GLI3: variants seen among roughly 807,000 people sequenced by gnomAD.
GLI3 encodes transcription activator GLI3.
In GLI3, 20 loss-of-function variants were observed where a neutral mutation model predicts 100.8. That is an observed-to-expected ratio of 0.20 (90% CI 0.14 to 0.29). The LOEUF is 0.29. Ranked by LOEUF, GLI3 falls within the 10% of genes least tolerant of loss-of-function variation. GLI3 has a pLI of 1.00. For synonymous variants in GLI3, 938 were observed against 860.5 expected (o/e 1.09, Z -1.58); for missense variants, 2,040 against 2,128.5 (o/e 0.96, Z 0.82).
At position 42,011,422 on chromosome 7, in the gene GLI3, A is replaced by G. The variant is rs188928823; in HGVS notation, c.1497+12046T>C. Among the ~76,000 whole-genome samples the G allele has an allele frequency of 1.5e-3, 230 of 152,378 alleles. 1 individual carries two copies. The highest frequency in any genetic ancestry group is 3.4e-3 in the Middle Eastern group (1 of 294). On this transcript the variant is annotated intron_variant, in intron 10 of 14. Transcript: ENST00000395925. ...AATCCCACTTCTAGGGATATACCCA[A>G]AAGAACTGAAAACAGGTGTTCAAGC...
chr7:42,220,842 T>C (rs982943973), intron 2 of GLI3, among the ~76,000 whole-genome samples: 1 of 152,212 alleles, frequency 6.6e-6, no homozygotes, highest in African/African-American at 2.4e-5. Context: ...TGTCCCAAAA[T>C]ATAAAACAGT....
chr7:42,023,404 G>A (rs1789000172), intron 10 of GLI3, 64 bp downstream of exon 10: 1 of 1,555,428 alleles, frequency 6.4e-7, no homozygotes, highest in Non-Finnish European at 8.9e-7. Context: ...GGGTCAGAGA[G>A]GCTGACCTCC....
At chr7:42,261,851 G>T (rs1420479597) in intron 1 of GLI3, among the ~76,000 whole-genome samples, 1 of 139,580 alleles carries the variant, frequency 7.2e-6, no homozygotes, top group Non-Finnish European at 1.6e-5. Flanking sequence ...AACAGTCTTT[G>T]TTTTCTTTCC....
intron 2 of GLI3, among the ~76,000 whole-genome samples, chr7:42,169,306 G>A (rs1787312885): frequency 6.6e-6 from 1 of 152,072 alleles, no homozygotes; most frequent in Admixed American, 6.5e-5. Context: ...TATCAAAAAA[G>A]CCGCCTCAAA....
At chr7:42,255,965 C>G (rs1389095786) in intron 1 of GLI3, among the ~76,000 whole-genome samples, 1 of 152,122 alleles carries the variant, frequency 6.6e-6, no homozygotes, top group Non-Finnish European at 1.5e-5. Context: ...ATATTCTCAC[C>G]CACACTTGGT....
At chr7:42,120,893 C>T (rs846399) in intron 3 of GLI3, among the ~76,000 whole-genome samples, 1 of 151,902 alleles carries the variant, frequency 6.6e-6, no homozygotes, top group Non-Finnish European at 1.5e-5. Context: ...CTTGGATTGC[C>T]GCCTGCAAAC....
At chr7:42,146,480 G>C (rs1786712333) in intron 3 of GLI3, among the ~76,000 whole-genome samples, 2 of 152,316 alleles carry the variant, frequency 1.3e-5, no homozygotes, top group South Asian at 4.1e-4. Flanking sequence ...GAAAGTTAAC[G>C]GTTATCTGCT....
chr7:41,998,763 C>T (rs1264560095), intron 10 of GLI3, among the ~76,000 whole-genome samples: 1 of 152,192 alleles, frequency 6.6e-6, no homozygotes, highest in Non-Finnish European at 1.5e-5. Context: ...AATTATTCGT[C>T]AACTTTGGAC....
chr7:42,125,815 G>T (rs1786112733), intron 3 of GLI3, among the ~76,000 whole-genome samples: 1 of 152,152 alleles, frequency 6.6e-6, no homozygotes, highest in Admixed American at 6.5e-5. Context: ...GTACAATGGG[G>T]TTCGATGGAG....
At chr7:41,981,990 G>T (rs1406456819) in intron 10 of GLI3, among the ~76,000 whole-genome samples, 2 of 152,128 alleles carry the variant, frequency 1.3e-5, no homozygotes, top group African/African-American at 4.8e-5. Context: ...TTGTCTCCAT[G>T]TGGGGAGGGG....
At chr7:42,062,773 G>C (rs1307043436) in intron 4 of GLI3, among the ~76,000 whole-genome samples, 1 of 151,880 alleles carries the variant, frequency 6.6e-6, no homozygotes, top group African/African-American at 2.4e-5. Flanking sequence ...AGAAATTGAA[G>C]AGGCTTTGTG....
chr7:42,186,339 C>T (rs1419195289), intron 2 of GLI3, among the ~76,000 whole-genome samples: 2 of 152,204 alleles, frequency 1.3e-5, no homozygotes, highest in African/African-American at 4.8e-5. Flanking sequence ...CCACCCTCTC[C>T]GCCTTGGTTA....
intron 10 of GLI3, among the ~76,000 whole-genome samples, chr7:42,008,443 T>G (rs767106974): frequency 6.6e-6 from 1 of 152,178 alleles, no homozygotes; most frequent in Non-Finnish European, 1.5e-5. Flanking sequence ...CTTCCTTGGT[T>G]CTTCTTTATT....
intron 3 of GLI3, among the ~76,000 whole-genome samples, chr7:42,094,513 A>G (rs1159877249): frequency 1.3e-5 from 2 of 152,074 alleles, no homozygotes; most frequent in Non-Finnish European, 2.9e-5. Flanking sequence ...AGGCAGGTGG[A>G]TCACTTGAGG....
rs752921254 is a variant in GLI3, at chr7:42,148,358, T to A, written c.235A>T (p.Ser79Cys). 5.6e-6 allele frequency: 9 copies of A among 1,614,016 alleles called. No individual in the cohort carries two copies. In the African/African-American group the frequency reaches 1.2e-4, roughly 22 times the overall value. The change falls in exon 3 of 15, where the codon AGT (serine) becomes TGT (cysteine). Residue 79 changes from serine to cysteine, a missense_variant. Ser to Cys is a moderately radical substitution (Grantham distance 112). This residue lies in a region of GLI3 where 603 missense variants were observed against 690.9 expected (regional missense o/e 0.87). Coordinates refer to ENST00000395925, the MANE Select transcript of GLI3 (RefSeq NM_000168.6). Reference protein sequence around the residue: ...SKVSEEPSTSSDERASLIKKE... With the variant: ...SKVSEEPSTSCDERASLIKKE... ...TTGATCAATGAGGCCCTCTCGTCAC[T>A]CGATGTTGAAGGTTCCTCACTGACT...
chr7:42,138,533 G>A (rs1302773024), intron 3 of GLI3, among the ~76,000 whole-genome samples: 2 of 152,192 alleles, frequency 1.3e-5, no homozygotes, highest in African/African-American at 4.8e-5. Context: ...CGAGGTCACA[G>A]GAAAGCTACC....
chr7:42,128,608 TAAA>T (rs1051056984), intron 3 of GLI3, among the ~76,000 whole-genome samples: 72 of 152,310 alleles, frequency 4.7e-4, no homozygotes, highest in African/African-American at 1.7e-3. Context: ...AAATACATCT[TAAA>T]AACTAAAAGT....
chr7:42,121,144 C>A (rs1001383914), intron 3 of GLI3, among the ~76,000 whole-genome samples: 1 of 152,222 alleles, frequency 6.6e-6, no homozygotes, highest in Non-Finnish European at 1.5e-5. Context: ...CACCTCCCCA[C>A]CTGCCTCAGT....
At chr7:41,969,875 G>A (rs1787321184) in intron 13 of GLI3, among the ~76,000 whole-genome samples, 1 of 152,202 alleles carries the variant, frequency 6.6e-6, no homozygotes, top group African/African-American at 2.4e-5. Context: ...GCATTAGTCA[G>A]TACAATAATG....
Sources: allele counts gnomAD v4.1 joint callset (sites outside exome capture counted in the v4.1 genomes callset), GRCh38; gene constraint gnomAD v4.1.1; regional missense constraint gnomAD v4.1.1; transcripts MANE v1.5; gene names NCBI Gene and HGNC (gene_info 2026-07-23, HGNC 2026-07-21).